The following ABHD1 variants were observed in gnomAD, a reference collection of about 807,000 sequenced individuals.
The protein encoded by ABHD1 is abhydrolase domain containing 1.
In ABHD1, 47 loss-of-function variants were observed where a neutral mutation model predicts 41.4. That is an observed-to-expected ratio of 1.13 (90% CI 0.90 to 1.45). The LOEUF is 1.45. ABHD1 is among the 40% of genes most tolerant of loss of function. ABHD1 has a pLI of 0.00. For synonymous variants in ABHD1, 205 were observed against 203.7 expected (o/e 1.01, Z -0.05); for missense variants, 550 against 503.4 (o/e 1.09, Z -0.89).
chr2:27,130,086 C>T lies in ABHD1; in HGVS notation c.792-19C>T, dbSNP rs1672164182. On this transcript the variant is annotated intron_variant, in intron 6 of 8. Transcript: ENST00000316470. ...GATCAGATCCAGGTGTCAAGCCAAACTCTTATGTACTTTTGCAGAAACAGA... is the reference window on the plus strand; with the variant it reads ...GATCAGATCCAGGTGTCAAGCCAAATTCTTATGTACTTTTGCAGAAACAGA... 6.2e-7 allele frequency: 1 copy of T among 1,614,180 alleles called. No individual in the cohort carries two copies. The highest frequency in any genetic ancestry group is 1.1e-5 in the South Asian group (1 of 91,088).
chr2:27,129,666 CT>C (rs34285690), intron 5 of ABHD1, 40 bp downstream of exon 5: 19 of 1,609,694 alleles, frequency 1.2e-5, no homozygotes, highest in Non-Finnish European at 1.5e-5. Context: ...CCCAGTCTTC[CT>C]TTTTTTCCTC....
At chr2:27,127,997 A>G (rs1369364161) in intron 1 of ABHD1, among the ~76,000 whole-genome samples, 1 of 151,998 alleles carries the variant, frequency 6.6e-6, no homozygotes, top group Non-Finnish European at 1.5e-5. Flanking sequence ...CGCCCAGGCT[A>G]GAGTACAGTG....
chr2:27,128,940 A>G lies in ABHD1; in HGVS notation c.276-5A>G. The G allele has an allele frequency of 1.2e-6, 2 of 1,611,628 alleles. No homozygotes were observed. The highest frequency in any genetic ancestry group is 1.7e-6 in the Non-Finnish European group (2 of 1,179,044). On this transcript the variant is annotated splice_region_variant and splice_polypyrimidine_tract_variant and intron_variant, in intron 2 of 8. Transcript: ENST00000316470. ...ATCTTTGTGTGCCTCTTCCTCCAAA[A>G]CCAGTGACATCCTCCAAACACCAGA...
Position 27,130,364 on chromosome 2 carries a change from G to A in ABHD1, c.954G>A (p.Arg318=). 6.2e-7 allele frequency: 1 copy of A among 1,614,150 alleles called. No homozygotes were observed. The highest frequency in any genetic ancestry group is 1.1e-5 in the South Asian group (1 of 91,086). The change falls in exon 8 of 9, where the codon CGG becomes CGA. Residue 318 remains arginine, a synonymous_variant. Coordinates refer to ENST00000316470, the MANE Select transcript of ABHD1 (RefSeq NM_032604.4). The part of the protein sequence containing the change: ...ASPRTKIDAI[R]IPVLYLSAAD... ...CTAGAACCAAGATAGATGCCATCCG[G>A]ATCCCTGTGCTCTATCTCAGTGCAG...
chr2:27,129,881 C>G lies in ABHD1; in HGVS notation c.745C>G (p.Leu249Val). 1 of 1,614,108 alleles carries G rather than the reference C, an allele frequency of 6.2e-7. No individual in the cohort carries two copies. The highest frequency in any genetic ancestry group is 1.1e-5 in the South Asian group (1 of 91,090). ...RSLETPLNSL[L>V]FNQPLTAGLC... is the part of the protein sequence containing the mutation. ...CCTGGAAACCCCACTCAACTCACTG[C>G]TCTTCAATCAGCCCCTCACTGCTGG... The change falls in exon 6 of 9, where the codon CTC becomes GTC. Residue 249 changes from leucine (L) to valine (V), a missense_variant. Coordinates refer to ENST00000316470, the MANE Select transcript of ABHD1 (RefSeq NM_032604.4).
In ABHD1 at chr2:27,129,030, A is replaced by G. The variant is rs1572920479; in HGVS notation, c.361A>G (p.Thr121Ala). 1.2e-6 allele frequency: 2 copies of G among 1,614,124 alleles called. No individual in the cohort carries two copies. Among genetic ancestry groups the G allele is most frequent in the African/African-American group, 2.7e-5 (2 of 75,032 alleles). Residue 121 changes from threonine to alanine, a missense_variant, in exon 3 of 9, where the codon ACC becomes GCC. By Grantham distance (58) the Thr-to-Ala change is moderately conservative (BLOSUM62 0). Coordinates refer to ENST00000316470, the MANE Select transcript of ABHD1 (RefSeq NM_032604.4). ...PDSSQDPDPT[T>A]QPIVLLLPGI... ...CAGCAGCCAAGACCCTGATCCTACT[A>G]CCCAGCCCATTGTGCTGCTGCTTCC... is the stretch of plus-strand genomic sequence containing the variant.
intron 2 of ABHD1, among the ~76,000 whole-genome samples, 157 bp downstream of exon 2, chr2:27,128,758 G>A (rs979293577): frequency 3.3e-5 from 5 of 152,090 alleles, no homozygotes; most frequent in East Asian, 1.9e-4. Flanking sequence ...ATAATTGCAC[G>A]GCCACCAGGT....
intron 2 of ABHD1, 122 bp from the exon 3 acceptor site, chr2:27,128,823 C>A: frequency 7.8e-7 from 1 of 1,285,568 alleles, no homozygotes; most frequent in Non-Finnish European, 1.1e-6. Flanking sequence ...ACATGAAGAA[C>A]ACCCTCAGAT....
intron 1 of ABHD1, 45 bp from the exon 2 acceptor site, chr2:27,128,396 G>A (rs769795399): frequency 6.2e-7 from 1 of 1,611,768 alleles, no homozygotes; most frequent in East Asian, 2.2e-5. Flanking sequence ...TCACTAGCTT[G>A]GTGCAAAAGT....
In ABHD1 at chr2:27,130,712, GCT is replaced by G; in HGVS notation, c.1191_1192del (p.Leu398ThrfsTer3). The G allele has an allele frequency of 1.9e-6, 3 of 1,614,232 alleles. No homozygotes were observed. The highest frequency in any genetic ancestry group is 2.5e-6 in the Non-Finnish European group (3 of 1,180,046). On this transcript the variant is annotated frameshift_variant, in exon 9 of 9. Coordinates refer to ENST00000316470, the MANE Select transcript of ABHD1 (RefSeq NM_032604.4). LOFTEE classifies it high-confidence loss of function. ...CCCAGAGGGGCTGCCTGACCTCAGG[GCT>G]CTCTTACCTTCTGAGGACAGAAACA... The part of the protein sequence containing the change: ...QDPEGLPDLR[A>X]LLPSEDRNS
At position 27,123,886 on chromosome 2, in the gene ABHD1, C is replaced by T; in HGVS notation, c.-63C>T. 7.1e-7 allele frequency: 1 copy of T among 1,410,612 alleles called. No individual in the cohort carries two copies. Among genetic ancestry groups the T allele is most frequent in the Non-Finnish European group, 9.8e-7 (1 of 1,021,140 alleles). The allele number at this position is 1,410,612 out of a possible 1,614,324, so 87.4% of individuals were successfully genotyped here. A position where few individuals can be genotyped will look rare whatever the true frequency, so the allele number is the denominator to read the frequency against. On this transcript the variant is annotated 5_prime_UTR_variant, in exon 1 of 9. Coordinates refer to ENST00000316470, the MANE Select transcript of ABHD1 (RefSeq NM_032604.4). ...CTATGGCGGGCGGCGGGTGGGACCG[C>T]GAGTTACAGCCGGCCAACTGGGGCC...
chr2:27,127,534 A>G (rs1283689370), intron 1 of ABHD1, among the ~76,000 whole-genome samples: 1 of 124,792 alleles, frequency 8.0e-6, no homozygotes, highest in African/African-American at 3.1e-5. Flanking sequence ...AGCCTGGGCA[A>G]CAGAGCGAGA....
At chr2:27,125,430 T>C (rs1378130876) in intron 1 of ABHD1, 1 of 152,226 alleles carries the variant, frequency 6.6e-6, no homozygotes, top group Non-Finnish European at 1.5e-5. Flanking sequence ...AATGGATCTA[T>C]ACTGATTTAA....
chr2:27,127,234 AT>A (rs1558473114), intron 1 of ABHD1, among the ~76,000 whole-genome samples: 1 of 121,108 alleles, frequency 8.3e-6, no homozygotes, highest in Non-Finnish European at 1.7e-5. Context: ...GTGTAGCTTC[AT>A]CTTTTTTTTT....
Position 27,128,954 on chromosome 2 carries a change from C to G in ABHD1, c.285C>G (p.Leu95=). Residue 95 remains leucine, a synonymous_variant, in exon 3 of 9, where the codon CTC becomes CTG. Transcript: ENST00000316470. ...CTTCCTCCAAAACCAGTGACATCCT[C>G]CAAACACCAGATGGAGGCCAGCTCC... ...QPLVLYQSDI[L]QTPDGGQLLL... The G allele has an allele frequency of 6.2e-7, 1 of 1,613,080 alleles. No homozygotes were observed. The highest frequency in any genetic ancestry group is 1.3e-5 in the African/African-American group (1 of 75,004).
At position 27,130,085 on chromosome 2, in the gene ABHD1, A is replaced by G; in HGVS notation, c.792-20A>G. The G allele has an allele frequency of 6.2e-7, 1 of 1,614,108 alleles. No individual in the cohort carries two copies. Among genetic ancestry groups the G allele is most frequent in the Non-Finnish European group, 8.5e-7 (1 of 1,180,018 alleles). ...GGATCAGATCCAGGTGTCAAGCCAA[A>G]CTCTTATGTACTTTTGCAGAAACAG... On this transcript the variant is annotated intron_variant, in intron 6 of 8. Transcript: ENST00000316470.
intron 1 of ABHD1, chr2:27,126,208 G>A (rs1446649058): frequency 1.3e-5 from 2 of 152,250 alleles, no homozygotes; most frequent in Non-Finnish European, 2.9e-5. Flanking sequence ...TTACCTACAA[G>A]TACTGGTGGT....
At chr2:27,126,082 G>A (rs142605107) in intron 1 of ABHD1, 16 of 152,272 alleles carry the variant, frequency 1.1e-4, no homozygotes, top group East Asian at 9.6e-4. Flanking sequence ...ATTCAAATCC[G>A]TTCACATAGG....
chr2:27,128,906 C>G, intron 2 of ABHD1, 39 bp from the exon 3 acceptor site: 2 of 1,598,906 alleles, frequency 1.3e-6, no homozygotes, highest in Non-Finnish European at 1.7e-6. Flanking sequence ...ACATTAAGTT[C>G]TTAATAGTAT....
Sources: allele counts gnomAD v4.1 joint callset (sites outside exome capture counted in the v4.1 genomes callset), GRCh38; gene constraint gnomAD v4.1.1; transcripts MANE v1.5; gene names NCBI Gene and HGNC (gene_info 2026-07-23, HGNC 2026-07-21).